The following CRYBG1 variants were observed in gnomAD, a reference collection of about 807,000 sequenced individuals.
The protein encoded by CRYBG1 is crystallin beta-gamma domain containing 1.
In CRYBG1, 139 loss-of-function variants were observed where a neutral mutation model predicts 189.2. That is an observed-to-expected ratio of 0.73 (90% confidence interval 0.64 to 0.85). The LOEUF is 0.85. CRYBG1 is among the 40% of genes least tolerant of loss of function. CRYBG1 has a pLI of 0.00. For synonymous variants in CRYBG1, 1,023 were observed against 1,017.1 expected (o/e 1.01, Z -0.11); for missense variants, 2,611 against 2,675.8 (o/e 0.98, Z 0.53).
intron 8 of CRYBG1, among the ~76,000 whole-genome samples, chr6:106,536,043 C>T (rs1428019415): frequency 1.2e-3 from 1 of 852 alleles, no homozygotes; most frequent in Admixed American, 9.6e-3. Context: ...CTCGGCCTCC[C>T]AAAGTGCTGG....
chr6:106,533,136 A>G (rs1330828658), intron 8 of CRYBG1, among the ~76,000 whole-genome samples: 2 of 152,208 alleles, frequency 1.3e-5, no homozygotes, highest in African/African-American at 2.4e-5. Flanking sequence ...GCTATTTTAG[A>G]TAGGGTAGCT....
intron 2 of CRYBG1, chr6:106,454,999 T>G (rs1340246827): frequency 6.6e-6 from 1 of 152,222 alleles, no homozygotes; most frequent in African/African-American, 2.4e-5. Flanking sequence ...CAATATTGCC[T>G]CTCAAATTTA....
chr6:106,403,413 G>A (rs9320161), intron 1 of CRYBG1, among the ~76,000 whole-genome samples: 79,063 of 152,106 alleles, frequency 0.52, 20,888 homozygotes, highest in South Asian at 0.73. Context: ...ATGATTCCGC[G>A]TTGTGGGATC....
At chr6:106,530,366 A>G (rs1195424660) in intron 8 of CRYBG1, 51 bp downstream of exon 8, 25 of 1,537,818 alleles carry the variant, frequency 1.6e-5, no homozygotes, top group Non-Finnish European at 2.0e-5. Flanking sequence ...TTGTGAGTGT[A>G]GTACTGGAAA....
In CRYBG1 at chr6:106,511,462, G is replaced by T; in HGVS notation, c.345G>T (p.Arg115Ser). ...SRAQPPEDNR[R>S]KPVLGKLGTL... ...CACAACCTCCAGAAGACAACAGAAG[G>T]AAGCCAGTTTTGGGGAAACTTGGCA... Residue 115 changes from arginine to serine, a missense_variant, in exon 3 of 22, where the codon AGG becomes AGT. Coordinates refer to ENST00000633556, the MANE Select transcript of CRYBG1 (RefSeq NM_001371242.2). The T allele has an allele frequency of 6.5e-7, 1 of 1,535,792 alleles. No individual in the cohort carries two copies. Among genetic ancestry groups the T allele is most frequent in the Non-Finnish European group, 8.7e-7 (1 of 1,146,670 alleles).
Position 106,565,299 on chromosome 6 carries a change from C to T in CRYBG1, c.6301+1373C>T, listed in dbSNP as rs141201959. On this transcript the variant is annotated intron_variant, in intron 21 of 21. Coordinates refer to ENST00000633556, the MANE Select transcript of CRYBG1 (RefSeq NM_001371242.2). ...TTGTGCCACTGCACTCCAGCCTAGGCGACAGGGCAAGACTTCGTCTCAAAA... is the reference window on the plus strand; with the variant it reads ...TTGTGCCACTGCACTCCAGCCTAGGTGACAGGGCAAGACTTCGTCTCAAAA... Among the ~76,000 whole-genome samples, 46 of 140,950 alleles carry T rather than the reference C, an allele frequency of 3.3e-4. No individual in the cohort carries two copies. In the East Asian group the frequency reaches 6.3e-3, roughly 19 times the overall value. The allele number at this position is 140,950 out of a possible 152,430, so 92.5% of individuals were successfully genotyped here.
chr6:106,509,819 C>G (rs192866305), intron 2 of CRYBG1, among the ~76,000 whole-genome samples: 6 of 152,180 alleles, frequency 3.9e-5, no homozygotes, highest in East Asian at 1.9e-4. Flanking sequence ...GCCTCTCCCC[C>G]CCACCCCAAT....
chr6:106,519,739 C>G lies in CRYBG1; in HGVS notation c.2531C>G (p.Thr844Ser), dbSNP rs77011491. Residue 844 changes from threonine (T) to serine (S), a missense_variant, in exon 4 of 22, where the codon ACC becomes AGC. Thr to Ser is a moderately conservative substitution (Grantham distance 58). Around this residue, in one of 3 missense-constraint regions of CRYBG1, gnomAD observed 1,622 missense variants for 1,735.0 expected, o/e 0.93. Coordinates refer to ENST00000633556, the MANE Select transcript of CRYBG1 (RefSeq NM_001371242.2). ...TAQDIPTTVD[T>S]KDLPPTAMPK... Reference sequence around the variant, plus strand: ...CAAGACATCCCCACCACTGTGGATACCAAAGATTTACCTCCAACGGCCATG... The same window carrying G: ...CAAGACATCCCCACCACTGTGGATAGCAAAGATTTACCTCCAACGGCCATG... The G allele has an allele frequency of 6.8e-6, 11 of 1,614,182 alleles. No individual in the cohort carries two copies. Among genetic ancestry groups the G allele is most frequent in the Admixed American group, 6.7e-5 (4 of 60,026 alleles).
intron 1 of CRYBG1, among the ~76,000 whole-genome samples, chr6:106,375,753 G>A (rs1164575956): frequency 1.3e-5 from 2 of 152,236 alleles, no homozygotes; most frequent in East Asian, 3.9e-4. Context: ...TGGCTTAGCT[G>A]TTTTGGAGGC....
At chr6:106,477,338 A>G (rs1192643704) in intron 2 of CRYBG1, among the ~76,000 whole-genome samples, 1 of 152,210 alleles carries the variant, frequency 6.6e-6, no homozygotes, top group Non-Finnish European at 1.5e-5. Flanking sequence ...CAGAAGAGGA[A>G]GTTTAGAGAC....
chr6:106,501,492 C>CATA (rs1211158375), intron 2 of CRYBG1, among the ~76,000 whole-genome samples: 1 of 152,176 alleles, frequency 6.6e-6, no homozygotes, highest in Non-Finnish European at 1.5e-5. Context: ...AGTTGAGAAC[C>CATA]ATAAATTCAT....
intron 1 of CRYBG1, among the ~76,000 whole-genome samples, chr6:106,364,936 C>G (rs956820364): frequency 6.6e-6 from 1 of 152,184 alleles, no homozygotes; most frequent in Non-Finnish European, 1.5e-5. Flanking sequence ...GTGCTCAGAA[C>G]AGTGGTTGGC....
intron 2 of CRYBG1, among the ~76,000 whole-genome samples, chr6:106,494,542 T>C (rs989819649): frequency 2.0e-5 from 3 of 152,210 alleles, no homozygotes; most frequent in African/African-American, 7.2e-5. Context: ...TTTCTTGATG[T>C]ACATCAAAGA....
At chr6:106,435,326 G>A (rs371665570) in intron 1 of CRYBG1, among the ~76,000 whole-genome samples, 2 of 151,950 alleles carry the variant, frequency 1.3e-5, no homozygotes, top group East Asian at 3.9e-4. Flanking sequence ...CGCCACACCT[G>A]ACTAATGTTT....
intron 1 of CRYBG1, among the ~76,000 whole-genome samples, chr6:106,376,030 A>T (rs1039357014): frequency 6.6e-6 from 1 of 152,242 alleles, no homozygotes; most frequent in Non-Finnish European, 1.5e-5. Context: ...ATCTTATTGC[A>T]TGTAACATTT....
At chr6:106,463,383 G>A (rs574146088) in intron 2 of CRYBG1, among the ~76,000 whole-genome samples, 49 of 152,204 alleles carry the variant, frequency 3.2e-4, no homozygotes, top group African/African-American at 1.1e-3. Flanking sequence ...TGCACATGAT[G>A]CCTTTGAAGC....
At chr6:106,508,825 T>A (rs1409454947) in intron 2 of CRYBG1, among the ~76,000 whole-genome samples, 1 of 150,958 alleles carries the variant, frequency 6.6e-6, no homozygotes, top group East Asian at 1.9e-4. Context: ...TGGCTGGTGA[T>A]AAACAGGCTG....
At chr6:106,386,856 A>G (rs1345829722) in intron 1 of CRYBG1, among the ~76,000 whole-genome samples, 2 of 152,120 alleles carry the variant, frequency 1.3e-5, no homozygotes, top group African/African-American at 4.8e-5. Context: ...CTGGACCACT[A>G]TCCGTCCATG....
chr6:106,555,501 C>T (rs1162822732), intron 16 of CRYBG1, among the ~76,000 whole-genome samples: 1 of 152,070 alleles, frequency 6.6e-6, no homozygotes, highest in Non-Finnish European at 1.5e-5. Flanking sequence ...ATGAGAAGAG[C>T]AAGGAAGGCT....
Sources: gnomAD v4.1 joint callset for allele counts (sites outside exome capture counted in the v4.1 genomes callset) on GRCh38, gnomAD v4.1.1 for gene constraint, gnomAD v4.1.1 regional missense constraint, MANE v1.5 for transcripts, NCBI Gene and HGNC (gene_info 2026-07-23, HGNC 2026-07-21) for gene names.